The following TMTC1 variants were observed in gnomAD, a reference collection of about 807,000 sequenced individuals.
TMTC1 encodes protein O-mannosyl-transferase TMTC1.
Under a neutral mutation model 104.8 loss-of-function variants are expected in TMTC1, and 73 were observed. That is an observed-to-expected ratio of 0.70 (90% CI 0.58 to 0.85). TMTC1 has a LOEUF of 0.85. TMTC1 is among the 40% of genes least tolerant of loss of function. The pLI is 0.00. For synonymous variants in TMTC1, 434 were observed against 428.7 expected, an observed-to-expected ratio of 1.01 and a Z score of -0.15; for missense variants, 1,035 against 1,096.1, an observed-to-expected ratio of 0.94 and a Z score of 0.79.
chr12:29,624,715 T>G (rs760287455), intron 6 of TMTC1, among the ~76,000 whole-genome samples: 1 of 152,214 alleles, frequency 6.6e-6, no homozygotes, highest in Non-Finnish European at 1.5e-5. Context: ...CCTCTTCGCA[T>G]CACCTAATAT....
chr12:29,517,501 A>G lies in TMTC1; in HGVS notation c.2095T>C (p.Tyr699His). The change falls in exon 14 of 18, where the codon TAC becomes CAC. Residue 699 changes from tyrosine (Y) to histidine (H), a missense_variant. Tyr to His is a moderately conservative substitution (Grantham distance 83). Coordinates refer to ENST00000539277, the MANE Select transcript of TMTC1 (RefSeq NM_001193451.2). ...TGGTAAATCTGCAAAGCCTCTTCGTATCGGCCAGTGTTGTAATACAGTGCT... is the reference window on the plus strand; with the variant it reads ...TGGTAAATCTGCAAAGCCTCTTCGTGTCGGCCAGTGTTGTAATACAGTGCT... ...LGALYYNTGRYEEALQIYQEA... is the reference protein window; with the variant it reads ...LGALYYNTGRHEEALQIYQEA... The G allele has an allele frequency of 3.7e-6, 6 of 1,614,114 alleles. No individual in the cohort carries two copies. Among genetic ancestry groups the G allele is most frequent in the Non-Finnish European group, 5.1e-6 (6 of 1,180,036 alleles).
chr12:29,544,050 C>A (rs1403708672), intron 10 of TMTC1, among the ~76,000 whole-genome samples: 2 of 152,064 alleles, frequency 1.3e-5, no homozygotes, highest in Admixed American at 6.5e-5. Context: ...TTGAGACCAG[C>A]CTGGCCAACA....
At chr12:29,749,529 T>G (rs1943037525) in intron 5 of TMTC1, among the ~76,000 whole-genome samples, 2 of 152,148 alleles carry the variant, frequency 1.3e-5, no homozygotes. Flanking sequence ...ACATCTCCAG[T>G]GATCTCTGTA....
chr12:29,661,411 G>A, intron 5 of TMTC1: 7 of 613,680 alleles, frequency 1.1e-5, no homozygotes, highest in Non-Finnish European at 1.4e-5. Flanking sequence ...GTTGTAGGAG[G>A]TTAAGTAATT....
At chr12:29,724,427 A>T (rs1190159885) in intron 5 of TMTC1, among the ~76,000 whole-genome samples, 1 of 152,216 alleles carries the variant, frequency 6.6e-6, no homozygotes, top group Non-Finnish European at 1.5e-5. Flanking sequence ...ATCCATGTAC[A>T]TATATATGAG....
chr12:29,606,479 T>C (rs1173530401), intron 6 of TMTC1, among the ~76,000 whole-genome samples: 1 of 152,238 alleles, frequency 6.6e-6, no homozygotes, highest in African/African-American at 2.4e-5. Flanking sequence ...GAGCTTATTA[T>C]TGGGTAGTAA....
At chr12:29,723,298 A>G (rs1381940747) in intron 5 of TMTC1, among the ~76,000 whole-genome samples, 1 of 152,228 alleles carries the variant, frequency 6.6e-6, no homozygotes, top group Admixed American at 6.5e-5. Flanking sequence ...ATAAAACAGC[A>G]AAGTTTCATA....
At chr12:29,546,955 C>T (rs1287233758) in intron 10 of TMTC1, among the ~76,000 whole-genome samples, 2 of 152,040 alleles carry the variant, frequency 1.3e-5, no homozygotes, top group Non-Finnish European at 2.9e-5. Flanking sequence ...ATTCCTTTTT[C>T]ACCTATATCT....
chr12:29,671,416 C>T (rs1475717065), intron 5 of TMTC1, among the ~76,000 whole-genome samples: 1 of 152,094 alleles, frequency 6.6e-6, no homozygotes, highest in African/African-American at 2.4e-5. Flanking sequence ...AATTTGACAA[C>T]CAAAATGTTG....
intron 1 of TMTC1, among the ~76,000 whole-genome samples, chr12:29,771,231 G>C (rs948131375): frequency 6.6e-6 from 1 of 152,152 alleles, no homozygotes; most frequent in Admixed American, 6.5e-5. Flanking sequence ...CATTCACAAA[G>C]AGTTTAAATG....
chr12:29,661,123 G>A (rs922785542), intron 5 of TMTC1, among the ~76,000 whole-genome samples: 1 of 152,010 alleles, frequency 6.6e-6, no homozygotes, highest in African/African-American at 2.4e-5. Context: ...CTTATAAAAG[G>A]GAGACAATAA....
chr12:29,732,341 C>A (rs1028792826), intron 5 of TMTC1, among the ~76,000 whole-genome samples: 1 of 152,056 alleles, frequency 6.6e-6, no homozygotes, highest in Non-Finnish European at 1.5e-5. Flanking sequence ...ACCATGGCAA[C>A]CAGAAACACA....
At chr12:29,661,559 C>T (rs1316654648) in intron 5 of TMTC1, among the ~76,000 whole-genome samples, 6 of 144,684 alleles carry the variant, frequency 4.1e-5, no homozygotes, top group African/African-American at 1.6e-4. Context: ...GTAGTTGGGA[C>T]TACAGGTACT....
intron 9 of TMTC1, among the ~76,000 whole-genome samples, chr12:29,563,664 T>C (rs541295508): frequency 2.0e-5 from 3 of 152,320 alleles, no homozygotes; most frequent in African/African-American, 4.8e-5. Context: ...TTTGTCCTTA[T>C]GGAGTTGTCC....
At chr12:29,652,409 G>A (rs1282738103) in intron 5 of TMTC1, among the ~76,000 whole-genome samples, 1 of 152,226 alleles carries the variant, frequency 6.6e-6, no homozygotes, top group East Asian at 1.9e-4. Flanking sequence ...TCATGACAGA[G>A]CAGAGTTACC....
intron 5 of TMTC1, among the ~76,000 whole-genome samples, chr12:29,644,196 A>G (rs544417161): frequency 3.1e-4 from 45 of 145,672 alleles, no homozygotes; most frequent in African/African-American, 1.1e-3. Flanking sequence ...AAAGGAATGA[A>G]TTTATGGCAT....
intron 5 of TMTC1, among the ~76,000 whole-genome samples, chr12:29,654,490 C>T (rs1324537314): frequency 6.6e-6 from 1 of 152,194 alleles, no homozygotes; most frequent in Non-Finnish European, 1.5e-5. Flanking sequence ...GGAATCCTCA[C>T]ATACTGCTGG....
intron 5 of TMTC1, among the ~76,000 whole-genome samples, chr12:29,665,673 A>G (rs1246676492): frequency 6.6e-6 from 1 of 152,242 alleles, no homozygotes; most frequent in Non-Finnish European, 1.5e-5. Flanking sequence ...AAACCTAGTC[A>G]GGTTCCTGAA....
At chr12:29,642,422 A>G (rs778183294) in intron 5 of TMTC1, among the ~76,000 whole-genome samples, 2 of 152,204 alleles carry the variant, frequency 1.3e-5, no homozygotes, top group Non-Finnish European at 2.9e-5. Context: ...GCTAGAAGGG[A>G]TTGGGGCCTT....
Sources: gnomAD v4.1 joint callset for allele counts (sites outside exome capture counted in the v4.1 genomes callset) on GRCh38, gnomAD v4.1.1 for gene constraint, MANE v1.5 for transcripts, NCBI Gene and HGNC (gene_info 2026-07-23, HGNC 2026-07-21) for gene names.